The following FCMR variants were observed in gnomAD, a reference collection of about 807,000 sequenced individuals.
The protein encoded by FCMR is Fc mu receptor, also known as immunoglobulin mu Fc receptor.
A neutral mutation model predicts 41.6 loss-of-function variants in FCMR; 34 were observed. The ratio of observed to expected loss-of-function variants is 0.82; its 90% CI spans 0.62 to 1.09. FCMR has a LOEUF of 1.09. Among genes scored for constraint, FCMR ranks in the 50% least tolerant of loss-of-function variants. The pLI is 0.00. For missense variants in FCMR, 496 were observed against 512.5 expected (o/e 0.97, Z 0.31); for synonymous variants, 209 against 211.8 (o/e 0.99, Z 0.12).
At chr1:206,906,613 G>A (rs574226001) in intron 7 of FCMR, among the ~76,000 whole-genome samples, 1 of 152,286 alleles carries the variant, frequency 6.6e-6, no homozygotes, top group East Asian at 1.9e-4. Context: ...AAATGGAAAT[G>A]CTCCCCATGG....
intron 1 of FCMR, among the ~76,000 whole-genome samples, chr1:206,919,876 C>T (rs1400523906): frequency 6.6e-6 from 1 of 152,246 alleles, no homozygotes. Context: ...TACTACCTCT[C>T]ACAGTGTTTG....
rs745799325 is a variant in FCMR, at chr1:206,921,805, C to CCACGG, written c.37+8_37+12dup. On this transcript the variant is annotated intron_variant, in intron 1 of 7. Coordinates refer to ENST00000367091, the MANE Select transcript of FCMR (RefSeq NM_005449.5). ...TCATTCAGAGGTCTGAAGTGTTTCCCCACGGTACTTACCTGGCAGGAAGTA... is the reference window on the plus strand; with the variant it reads ...TCATTCAGAGGTCTGAAGTGTTTCCCCACGGCACGGTACTTACCTGGCAGGAAGTA... The CCACGG allele has an allele frequency of 2.5e-6, 4 of 1,613,664 alleles. No homozygotes were observed. The highest frequency in any genetic ancestry group is 3.4e-6 in the Non-Finnish European group (4 of 1,179,590).
chr1:206,907,701 T>G, intron 7 of FCMR: 2 of 869,218 alleles, frequency 2.3e-6, no homozygotes, highest in Non-Finnish European at 2.0e-6. Context: ...AACTAGGTAC[T>G]GCTGGGCTGG....
chr1:206,920,486 G>A (rs1183927112), intron 1 of FCMR, among the ~76,000 whole-genome samples: 1 of 151,206 alleles, frequency 6.6e-6, no homozygotes, highest in African/African-American at 2.4e-5. Context: ...AAGGTGAGAG[G>A]AAGGGTGTTC....
intron 1 of FCMR, 107 bp downstream of exon 1, chr1:206,921,711 C>A: frequency 9.0e-7 from 1 of 1,111,848 alleles, no homozygotes; most frequent in South Asian, 1.3e-5. Context: ...TGGTTCACAA[C>A]TGAATCCATC....
intron 7 of FCMR, among the ~76,000 whole-genome samples, chr1:206,908,759 T>TA (rs374462005): frequency 6.6e-6 from 1 of 152,104 alleles, no homozygotes; most frequent in Non-Finnish European, 1.5e-5. Flanking sequence ...CACACCCTTT[T>TA]AAAAAAAGCT....
At chr1:206,921,683 T>C in intron 1 of FCMR, 135 bp downstream of exon 1, 1 of 805,168 alleles carries the variant, frequency 1.2e-6, no homozygotes, top group South Asian at 1.6e-5. Context: ...GCCTCCATTC[T>C]TGTCCTGCCC....
intron 1 of FCMR, among the ~76,000 whole-genome samples, chr1:206,918,958 T>C (rs946231392): frequency 1.1e-4 from 16 of 152,106 alleles, no homozygotes; most frequent in African/African-American, 3.9e-4. Flanking sequence ...AAGTTATAAA[T>C]CAAGCTAATA....
chr1:206,922,089 T>C (rs1679462811), upstream of FCMR: 6 of 580,374 alleles, frequency 1.0e-5, no homozygotes, highest in East Asian at 2.9e-5. Context: ...AAACATGTTG[T>C]GTGGAGTAAG....
In FCMR at chr1:206,909,653, C is replaced by G; in HGVS notation, c.985+72G>C. The stretch of plus-strand genomic sequence containing the variant: ...GAAGCCCTGGCACCTGGGAGCGCGC[C>G]CCGCTGCGCCCGGCTTTCCCGGAGC... On this transcript the variant is annotated intron_variant, in intron 6 of 7. Transcript: ENST00000367091. The surrounding 1 kb of genome is among the most constrained non-coding windows in gnomAD (Gnocchi z 5.0). 2 of 1,350,356 alleles carry G rather than the reference C, an allele frequency of 1.5e-6. No homozygotes were observed. Among genetic ancestry groups the G allele is most frequent in the Non-Finnish European group, 1.9e-6 (2 of 1,055,874 alleles). 83.6% of individuals were successfully genotyped at this position (1,350,356 alleles called of 1,614,324 possible).
At chr1:206,912,349 C>T (rs1472531104) in intron 3 of FCMR, among the ~76,000 whole-genome samples, 2 of 152,204 alleles carry the variant, frequency 1.3e-5, no homozygotes, top group Admixed American at 6.5e-5. Context: ...CCTCTTGGCT[C>T]TCAGCAGGGT....
chr1:206,904,912 G>T lies in FCMR; in HGVS notation c.*107C>A. On this transcript the variant is annotated 3_prime_UTR_variant, in exon 8 of 8. Transcript: ENST00000367091. Reference sequence around the variant, plus strand: ...GGAGTCGAGATGGGGCATGGGAAGTGATGAGGGCTCTGAGAACACATGAAG... The same window carrying T: ...GGAGTCGAGATGGGGCATGGGAAGTTATGAGGGCTCTGAGAACACATGAAG... 8.4e-7 allele frequency: 1 copy of T among 1,188,888 alleles called. No individual in the cohort carries two copies. Among genetic ancestry groups the T allele is most frequent in the Non-Finnish European group, 1.2e-6 (1 of 807,342 alleles). 73.6% of individuals were successfully genotyped at this position (1,188,888 alleles called of 1,614,324 possible). A position where few individuals can be genotyped will look rare whatever the true frequency, so the allele number is the denominator to read the frequency against.
intron 1 of FCMR, among the ~76,000 whole-genome samples, chr1:206,916,591 A>G (rs1679203026): frequency 6.6e-6 from 1 of 152,244 alleles, no homozygotes; most frequent in African/African-American, 2.4e-5. Context: ...TCTGGTCCAC[A>G]AGGAAGCAGT....
At chr1:206,905,170 C>A in intron 7 of FCMR, 23 bp from the exon 8 acceptor site, 2 of 1,613,730 alleles carry the variant, frequency 1.2e-6, no homozygotes, top group Non-Finnish European at 1.7e-6. Flanking sequence ...AAAGAAGCAT[C>A]ACTGGATCTG....
At chr1:206,921,966 C>G (rs1217335100), upstream of FCMR, 3 of 939,100 alleles carry the variant, frequency 3.2e-6, no homozygotes, top group East Asian at 7.3e-5. Context: ...ATTTCTAGCC[C>G]CCACGAGGAA....
At chr1:206,908,565 G>A (rs1482644018) in intron 7 of FCMR, among the ~76,000 whole-genome samples, 1 of 152,194 alleles carries the variant, frequency 6.6e-6, no homozygotes, top group Non-Finnish European at 1.5e-5. Flanking sequence ...CTCTGCAGCT[G>A]TTAGAATGTG....
intron 7 of FCMR, among the ~76,000 whole-genome samples, chr1:206,908,473 G>A (rs1235842298): frequency 6.6e-6 from 1 of 152,204 alleles, no homozygotes; most frequent in African/African-American, 2.4e-5. Flanking sequence ...GTTACTATTA[G>A]CAAAAAGGAG....
At position 206,913,994 on chromosome 1, in the gene FCMR, T is replaced by A. The variant is rs139493002; in HGVS notation, c.138A>T (p.Ile46=). The change falls in exon 2 of 8, where the codon ATA becomes ATT. Residue 46 remains isoleucine, a synonymous_variant. Transcript: ENST00000367091. The part of the protein sequence containing the change: ...KCPLPEMHVR[I]YLCREMAGSG... ...ATCCAGCCATCTCCCGGCACAGATA[T>A]ATCCTCACATGCATTTCAGGAAGTG... 47 of 1,614,064 alleles carry A rather than the reference T, an allele frequency of 2.9e-5. No individual in the cohort carries two copies. Among genetic ancestry groups the A allele is most frequent in the Admixed American group, 6.7e-5 (4 of 60,008 alleles).
intron 7 of FCMR, chr1:206,907,797 A>T (rs1468585526): frequency 1.4e-6 from 2 of 1,382,728 alleles, no homozygotes; most frequent in Non-Finnish European, 2.1e-6. Context: ...TTCCCCCGCA[A>T]GCGGATGAAC....
Sources: gnomAD v4.1 joint callset for allele counts (sites outside exome capture counted in the v4.1 genomes callset) on GRCh38, gnomAD v4.1.1 for gene constraint, Gnocchi (gnomAD v3.1) non-coding constraint, MANE v1.5 for transcripts, NCBI Gene and HGNC (gene_info 2026-07-23, HGNC 2026-07-21) for gene names.